Variants in ADGRL3 observed in about 807,000 individuals in gnomAD.
ADGRL3 encodes the protein calcium-independent alpha-latrotoxin receptor 3.
ADGRL3 carries 62 observed loss-of-function variants against 153.5 expected under a neutral mutation model. The observed-to-expected ratio is 0.40, with a 90% CI of 0.33 to 0.50. ADGRL3 has a LOEUF of 0.50. ADGRL3 is among the 20% of genes least tolerant of loss of function. The pLI, the probability that ADGRL3 is intolerant of heterozygous loss-of-function variation, is 0.47. For synonymous variants in ADGRL3, 710 were observed against 672.5 expected (o/e 1.06, Z -0.86); for missense variants, 1,641 against 1,859.4 (o/e 0.88, Z 2.16).
chr4:61,857,015 T>C (rs1005860308), intron 9 of ADGRL3, among the ~76,000 whole-genome samples: 11 of 144,856 alleles, frequency 7.6e-5, no homozygotes, highest in African/African-American at 2.8e-4. Context: ...TTTCTTTCTT[T>C]CCTTCCTCCC....
intron 1 of ADGRL3, among the ~76,000 whole-genome samples, chr4:61,367,136 G>A (rs2096412329): frequency 1.3e-5 from 2 of 152,228 alleles, no homozygotes; most frequent in East Asian, 1.9e-4. Flanking sequence ...TTAAAAAGCT[G>A]CTGTCTGTTA....
intron 5 of ADGRL3, among the ~76,000 whole-genome samples, chr4:61,665,078 T>C (rs2094738350): frequency 1.3e-5 from 2 of 152,220 alleles, no homozygotes; most frequent in South Asian, 4.1e-4. Flanking sequence ...TAAGGGGTAG[T>C]CTTCTGAATG....
intron 1 of ADGRL3, among the ~76,000 whole-genome samples, chr4:61,220,342 G>GATTTAGATACTCA: frequency 6.6e-6 from 1 of 152,230 alleles, no homozygotes; most frequent in African/African-American, 2.4e-5. Flanking sequence ...ATGATACTTA[G>GATTTAGATACTCA]TGATTTAGAA....
intron 8 of ADGRL3, among the ~76,000 whole-genome samples, chr4:61,739,717 T>C (rs961872203): frequency 1.1e-4 from 16 of 152,060 alleles, no homozygotes; most frequent in African/African-American, 3.4e-4. Flanking sequence ...AGTAAGTCAC[T>C]CCCCCCACCC....
intron 1 of ADGRL3, among the ~76,000 whole-genome samples, chr4:61,238,778 C>G (rs1349397008): frequency 6.6e-6 from 1 of 151,902 alleles, no homozygotes; most frequent in Non-Finnish European, 1.5e-5. Context: ...TCACATAAAG[C>G]ACGTGGTGTC....
chr4:61,338,765 A>G (rs1194036317), intron 1 of ADGRL3, among the ~76,000 whole-genome samples: 2 of 152,204 alleles, frequency 1.3e-5, no homozygotes, highest in Non-Finnish European at 2.9e-5. Flanking sequence ...TTTTCCATTC[A>G]TCATTCAAAA....
At chr4:61,324,420 A>G (rs2095426006) in intron 1 of ADGRL3, among the ~76,000 whole-genome samples, 1 of 152,150 alleles carries the variant, frequency 6.6e-6, no homozygotes, top group African/African-American at 2.4e-5. Context: ...TGAGAGCCTG[A>G]TTTTTCCTGC....
At chr4:61,279,956 A>G (rs1220444334) in intron 1 of ADGRL3, among the ~76,000 whole-genome samples, 1 of 152,100 alleles carries the variant, frequency 6.6e-6, no homozygotes, top group African/African-American at 2.4e-5. Context: ...TGAGACTTCT[A>G]TATCAAATGT....
chr4:61,980,332 T>TTTTTTTTC (rs2099063658), intron 18 of ADGRL3, among the ~76,000 whole-genome samples: 1 of 141,002 alleles, frequency 7.1e-6, no homozygotes, highest in Non-Finnish European at 1.5e-5. Context: ...TTTTTTTTTT[T>TTTTTTTTC]ACTATCTCCA....
At chr4:61,782,939 T>C (rs1449271843) in intron 8 of ADGRL3, among the ~76,000 whole-genome samples, 1 of 152,174 alleles carries the variant, frequency 6.6e-6, no homozygotes, top group Non-Finnish European at 1.5e-5. Context: ...TCACTGCTGA[T>C]ATTTTTCTCT....
intron 1 of ADGRL3, among the ~76,000 whole-genome samples, chr4:61,330,391 C>T (rs151314296): frequency 6.6e-6 from 1 of 152,132 alleles, no homozygotes; most frequent in Non-Finnish European, 1.5e-5. Flanking sequence ...GGTAAATTCT[C>T]TCTCTTGAGC....
chr4:61,882,905 G>C (rs950249439), intron 9 of ADGRL3, among the ~76,000 whole-genome samples: 2 of 152,248 alleles, frequency 1.3e-5, no homozygotes, highest in African/African-American at 4.8e-5. Flanking sequence ...AGGAGTTCAA[G>C]ACCAGCCTGA....
chr4:61,228,079 G>T (rs1341792841), intron 1 of ADGRL3, among the ~76,000 whole-genome samples: 6 of 152,152 alleles, frequency 3.9e-5, no homozygotes, highest in Non-Finnish European at 8.8e-5. Context: ...TGCAGATCTT[G>T]TTCAAATTTC....
At chr4:62,049,426 T>G (rs1732946497) in intron 25 of ADGRL3, among the ~76,000 whole-genome samples, 2 of 152,128 alleles carry the variant, frequency 1.3e-5, no homozygotes, top group Non-Finnish European at 1.5e-5. Flanking sequence ...CTAGTAAGGG[T>G]ATATTTATTT....
intron 9 of ADGRL3, among the ~76,000 whole-genome samples, chr4:61,835,967 C>T (rs1468509595): frequency 3.3e-5 from 5 of 152,004 alleles, no homozygotes; most frequent in Admixed American, 6.6e-5. Context: ...TGAAATGAAC[C>T]TCAAAATTCC....
intron 6 of ADGRL3, among the ~76,000 whole-genome samples, chr4:61,682,174 C>A (rs2095350739): frequency 6.6e-6 from 1 of 151,822 alleles, no homozygotes; most frequent in Admixed American, 6.6e-5. Context: ...TACCAGCAAC[C>A]TTTTTTCATA....
chr4:61,284,390 T>C (rs1476634122), intron 1 of ADGRL3, among the ~76,000 whole-genome samples: 2 of 151,914 alleles, frequency 1.3e-5, no homozygotes, highest in African/African-American at 4.8e-5. Flanking sequence ...GGTTATTCCA[T>C]TGCTTTTAGT....
In ADGRL3 at chr4:61,622,034, A is replaced by G. The variant is rs1212546540; in HGVS notation, c.473+34594A>G. On this transcript the variant is annotated intron_variant, in intron 5 of 26. Transcript: ENST00000683033. The stretch of plus-strand genomic sequence containing the variant: ...CCTGCATGTCGGTAGCTGTGTTGGT[A>G]TATTTATGGGTTGCTTTTAGTGATT... Among the ~76,000 whole-genome samples the G allele has an allele frequency of 3.3e-5, 5 of 152,124 alleles. No homozygotes were observed. In the South Asian group the frequency reaches 6.2e-4, roughly 19 times the overall value.
At chr4:62,052,247 T>C (rs905489460) in intron 25 of ADGRL3, among the ~76,000 whole-genome samples, 1 of 151,608 alleles carries the variant, frequency 6.6e-6, no homozygotes, top group Non-Finnish European at 1.5e-5. Context: ...CAATTTTTCA[T>C]GAAGTTGAAG....
Sources: gnomAD v4.1 joint callset for allele counts (sites outside exome capture counted in the v4.1 genomes callset) on GRCh38, gnomAD v4.1.1 for gene constraint, MANE v1.5 for transcripts, NCBI Gene and HGNC (gene_info 2026-07-23, HGNC 2026-07-21) for gene names.